The following MALT1 variants were observed in gnomAD, a reference collection of about 807,000 sequenced individuals.
MALT1 encodes MALT1 paracaspase.
MALT1 carries 36 observed loss-of-function variants against 85.5 expected under a neutral mutation model. The observed-to-expected ratio is 0.42, with a 90% CI of 0.32 to 0.56. MALT1 has a LOEUF of 0.56. Ranked by LOEUF, MALT1 falls within the 20% of genes least tolerant of loss-of-function variation. The pLI is 0.10. For missense variants in MALT1, 716 were observed against 981.6 expected (o/e 0.73, Z 3.62); for synonymous variants, 359 against 361.3 (o/e 0.99, Z 0.07).
At chr18:58,734,686 A>C (rs997853542) in intron 12 of MALT1, 2 of 281,210 alleles carry the variant, frequency 7.1e-6, no homozygotes, top group Non-Finnish European at 1.3e-5. Context: ...GAAAATTTTA[A>C]ATGATCGACT....
At chr18:58,743,250 C>T (rs1186202652) in intron 14 of MALT1, among the ~76,000 whole-genome samples, 1 of 152,048 alleles carries the variant, frequency 6.6e-6, no homozygotes, top group Non-Finnish European at 1.5e-5. Flanking sequence ...GTGGCAGGTG[C>T]CTGTAATCCC....
At chr18:58,725,481 C>CA (rs1568146937) in intron 10 of MALT1, among the ~76,000 whole-genome samples, 2 of 152,088 alleles carry the variant, frequency 1.3e-5, no homozygotes, top group African/African-American at 4.8e-5. Flanking sequence ...AAAGGATACT[C>CA]AACCTGTATT....
At chr18:58,691,366 C>A in intron 2 of MALT1, 1 of 827,116 alleles carries the variant, frequency 1.2e-6, no homozygotes, top group Non-Finnish European at 1.9e-6. Context: ...ATTGCCCTGG[C>A]TCAGGCCCAG....
At position 58,744,405 on chromosome 18, in the gene MALT1, G is replaced by T; in HGVS notation, c.1821G>T (p.Glu607Asp). ...AGATTCAATTAGGATTTGCAGCTGAGTTTTCCAATGTCATGATCATCTATA... is the reference window on the plus strand; with the variant it reads ...AGATTCAATTAGGATTTGCAGCTGATTTTTCCAATGTCATGATCATCTATA... Reference protein sequence around the residue: ...GVQIQLGFAAEFSNVMIIYTS... With the variant: ...GVQIQLGFAADFSNVMIIYTS... Residue 607 changes from glutamate to aspartate, a missense_variant, in exon 15 of 17, where the codon GAG becomes GAT. Physicochemically the swap from Glu to Asp is conservative, Grantham distance 45. Around this residue, in one of 4 missense-constraint regions of MALT1, gnomAD observed 260 missense variants for 323.7 expected, o/e 0.80. Transcript: ENST00000649217. 1 of 1,610,732 alleles carries T rather than the reference G, an allele frequency of 6.2e-7. No individual in the cohort carries two copies. Among genetic ancestry groups the T allele is most frequent in the Non-Finnish European group, 8.5e-7 (1 of 1,177,752 alleles).
chr18:58,722,507 C>T (rs2054998596), intron 9 of MALT1, among the ~76,000 whole-genome samples: 1 of 152,136 alleles, frequency 6.6e-6, no homozygotes, highest in Non-Finnish European at 1.5e-5. Flanking sequence ...GTAGTACATC[C>T]ACATGGCTAC....
chr18:58,747,415 T>G lies in MALT1; in HGVS notation c.2048T>G (p.Val683Gly), dbSNP rs1602347063. The G allele has an allele frequency of 6.2e-7, 1 of 1,608,344 alleles. No individual in the cohort carries two copies. Among genetic ancestry groups the G allele is most frequent in the Admixed American group, 1.7e-5 (1 of 59,628 alleles). The change falls in exon 17 of 17, where the codon GTC becomes GGC. Residue 683 changes from valine (V) to glycine (G), a missense_variant. This residue lies in a region of MALT1 where 260 missense variants were observed against 323.7 expected (regional missense o/e 0.80). Transcript: ENST00000649217. ...TTTTTTCCTTTTCAGGAACATCTAG[T>G]CTTCACAGTATGTTTATCATATCAG... ...SSLQKLKEHL[V>G]FTVCLSYQYS...
intron 3 of MALT1, among the ~76,000 whole-genome samples, chr18:58,698,027 T>C (rs1479014482): frequency 1.9e-5 from 1 of 52,946 alleles, no homozygotes; most frequent in Non-Finnish European, 4.7e-5. Context: ...CATGGTAGGA[T>C]TCGTGGGGTT....
Position 58,681,289 on chromosome 18 carries a change from T to C in MALT1, c.329T>C (p.Leu110Pro), listed in dbSNP as rs759808295. 2.5e-6 allele frequency: 4 copies of C among 1,614,200 alleles called. No individual in the cohort carries two copies. The highest frequency in any genetic ancestry group is 3.4e-6 in the Non-Finnish European group (4 of 1,180,018). The change falls in exon 2 of 17, where the codon CTG (leucine) becomes CCG (proline). Residue 110 changes from leucine (L) to proline (P), a missense_variant. Physicochemically the swap from Leu to Pro is moderately conservative, Grantham distance 98. Transcript: ENST00000649217. ...GCTVTELSDF[L>P]QAMEHTEVLQ... Reference sequence around the variant, plus strand: ...ACAGTCACAGAATTGAGTGATTTCCTGCAGGCTATGGAACACACTGAAGTT... The same window carrying C: ...ACAGTCACAGAATTGAGTGATTTCCCGCAGGCTATGGAACACACTGAAGTT...
At chr18:58,678,631 G>A (rs888772491) in intron 1 of MALT1, among the ~76,000 whole-genome samples, 2 of 152,164 alleles carry the variant, frequency 1.3e-5, no homozygotes, top group Non-Finnish European at 2.9e-5. Context: ...GCACATGACT[G>A]CTTAAGGCCC....
At position 58,754,163 on chromosome 18, in the gene MALT1, G is replaced by A. The variant is rs535492818; in HGVS notation, c.*6321G>A. 1.6e-4 allele frequency: 25 copies of A among 152,322 alleles called. No homozygotes were observed. The highest frequency in any genetic ancestry group is 5.8e-4 in the African/African-American group (24 of 41,562). 9.4% of individuals were successfully genotyped at this position (152,322 alleles called of 1,614,324 possible). A position where few individuals can be genotyped will look rare whatever the true frequency, so the allele number is the denominator to read the frequency against. On this transcript the variant is annotated 3_prime_UTR_variant, in exon 17 of 17. Coordinates refer to ENST00000649217, the MANE Select transcript of MALT1 (RefSeq NM_006785.4). ...CTCCAGGATAACCCAGCTAGTAAGG[G>A]CAGAGCCAGGATGATTCAGACCCAG... is the stretch of plus-strand genomic sequence containing the variant.
intron 10 of MALT1, among the ~76,000 whole-genome samples, chr18:58,724,168 T>C (rs2055022262): frequency 6.6e-6 from 1 of 152,254 alleles, no homozygotes; most frequent in African/African-American, 2.4e-5. Context: ...TAGATTGATA[T>C]GATAAGGCAA....
At chr18:58,698,496 C>T (rs2054627161) in intron 3 of MALT1, among the ~76,000 whole-genome samples, 1 of 152,128 alleles carries the variant, frequency 6.6e-6, no homozygotes, top group African/African-American at 2.4e-5. Flanking sequence ...GATCACAGTG[C>T]ATAATTCAGT....
intron 10 of MALT1, among the ~76,000 whole-genome samples, chr18:58,728,888 C>T (rs2055104083): frequency 6.6e-6 from 1 of 152,114 alleles, no homozygotes; most frequent in South Asian, 2.1e-4. Context: ...TGTATCTTCA[C>T]CCCAATCAAG....
chr18:58,731,831 G>T (rs1393307894), intron 10 of MALT1, among the ~76,000 whole-genome samples: 1 of 152,140 alleles, frequency 6.6e-6, no homozygotes, highest in Non-Finnish European at 1.5e-5. Flanking sequence ...CTGCTTAGAG[G>T]TCAGGAACTT....
chr18:58,720,582 C>G (rs76262080), intron 9 of MALT1, among the ~76,000 whole-genome samples: 8,189 of 152,284 alleles, frequency 0.054, 355 homozygotes, highest in East Asian at 0.22. Flanking sequence ...AGTTCTCACA[C>G]TGTTGAACCC....
In MALT1 at chr18:58,751,559, A is replaced by G. The variant is rs2055447191; in HGVS notation, c.*3717A>G. 6.6e-6 allele frequency: 1 copy of G among 152,210 alleles called. No individual in the cohort carries two copies. 9.4% of individuals were successfully genotyped at this position (152,210 alleles called of 1,614,324 possible). A position where few individuals can be genotyped will look rare whatever the true frequency, so the allele number is the denominator to read the frequency against. Reference sequence around the variant, plus strand: ...TTTTAAAACGGGCTTAAGAAGAATGATAACAGTTTTGGTCTTCTTTTTTAT... The same window carrying G: ...TTTTAAAACGGGCTTAAGAAGAATGGTAACAGTTTTGGTCTTCTTTTTTAT... On this transcript the variant is annotated 3_prime_UTR_variant, in exon 17 of 17. Transcript: ENST00000649217.
In MALT1 at chr18:58,701,643, A is replaced by C. The variant is rs2054674360; in HGVS notation, c.649+1052A>C. Reference sequence around the variant, plus strand: ...TGGGCTTCGATGTTACAGCTATTTTAAACTAAGCATGAGAGAGAGCCCCTG... The same window carrying C: ...TGGGCTTCGATGTTACAGCTATTTTCAACTAAGCATGAGAGAGAGCCCCTG... On this transcript the variant is annotated intron_variant, in intron 4 of 16. Transcript: ENST00000649217. 2.0e-5 allele frequency among the ~76,000 whole-genome samples: 3 copies of C among 152,182 alleles called. No homozygotes were observed. The South Asian group carries it at 6.2e-4, about 32-fold the overall frequency.
At position 58,750,214 on chromosome 18, in the gene MALT1, A is replaced by G. The variant is rs1331320991; in HGVS notation, c.*2372A>G. ...AAATGAGAATAAAGAAATCCTATATACAGTAGCATCAAGAATAAAACTCCA... is the reference window on the plus strand; with the variant it reads ...AAATGAGAATAAAGAAATCCTATATGCAGTAGCATCAAGAATAAAACTCCA... On this transcript the variant is annotated 3_prime_UTR_variant, in exon 17 of 17. Transcript: ENST00000649217. 5.8e-6 allele frequency: 1 copy of G among 172,226 alleles called. No homozygotes were observed. The highest frequency in any genetic ancestry group is 2.4e-5 in the African/African-American group (1 of 42,074). 10.7% of individuals were successfully genotyped at this position (172,226 alleles called of 1,614,324 possible). A position where few individuals can be genotyped will look rare whatever the true frequency, so the allele number is the denominator to read the frequency against.
chr18:58,709,567 G>T lies in MALT1; in HGVS notation c.828+11G>T. 2.5e-6 allele frequency: 4 copies of T among 1,581,792 alleles called. No individual in the cohort carries two copies. The highest frequency in any genetic ancestry group is 1.2e-5 in the South Asian group (1 of 85,222). On this transcript the variant is annotated intron_variant, in intron 5 of 16. Coordinates refer to ENST00000649217, the MANE Select transcript of MALT1 (RefSeq NM_006785.4). ...AAAAAGCTATACATGGTAGGAAGTT[G>T]ATTTTGGGGTCTTTTGGGGGAGTTA...
Sources: gnomAD v4.1 joint callset for allele counts (sites outside exome capture counted in the v4.1 genomes callset) on GRCh38, gnomAD v4.1.1 for gene constraint, gnomAD v4.1.1 regional missense constraint, MANE v1.5 for transcripts, NCBI Gene and HGNC (gene_info 2026-07-23, HGNC 2026-07-21) for gene names.